COL4A6: variants seen among roughly 807,000 people sequenced by gnomAD.
COL4A6 encodes collagen type IV alpha 6 chain, also known as collagen alpha-6(IV) chain.
Under a neutral mutation model 126.7 loss-of-function variants are expected in COL4A6, and 59 were observed. The observed-to-expected ratio is 0.47, with a 90% CI of 0.38 to 0.58. The LOEUF is 0.58. Ranked by LOEUF, COL4A6 falls within the 20% of genes least tolerant of loss-of-function variation. The pLI is 0.00. For missense variants in COL4A6, 1,285 were observed against 1,337.3 expected (o/e 0.96, Z 0.61); for synonymous variants, 547 against 496.6 (o/e 1.10, Z -1.35).
At chrX:108,203,393 T>C (rs2035446025) in intron 12 of COL4A6, among the ~76,000 whole-genome samples, 1 of 112,048 alleles carries the variant, frequency 8.9e-6, no homozygotes, top group Non-Finnish European at 1.9e-5. Flanking sequence ...AACCATCTGA[T>C]CTGTCATTCC....
chrX:108,245,508 G>A (rs181219897), intron 3 of COL4A6, among the ~76,000 whole-genome samples: 1 of 111,954 alleles, frequency 8.9e-6, no homozygotes, highest in East Asian at 2.8e-4. Flanking sequence ...GCAAAAGCTC[G>A]AGATTGCTAA....
chrX:108,402,518 C>G (rs1429659902), intron 2 of COL4A6, among the ~76,000 whole-genome samples: 1 of 110,567 alleles, frequency 9.0e-6, no homozygotes, highest in Admixed American at 9.7e-5. Context: ...TTTTCTTCAA[C>G]TTTTTAGGAT....
chrX:108,416,345 A>AGG, intron 2 of COL4A6, among the ~76,000 whole-genome samples: 1 of 112,241 alleles, frequency 8.9e-6, no homozygotes, highest in East Asian at 2.8e-4. Context: ...GTAGAAAATA[A>AGG]ACAATTTGTT....
intron 3 of COL4A6, among the ~76,000 whole-genome samples, chrX:108,261,277 C>T (rs1244584076): frequency 8.9e-6 from 1 of 111,863 alleles, no homozygotes; most frequent in African/African-American, 3.2e-5. Context: ...GTATTGCACA[C>T]CATAAATGTA....
intron 3 of COL4A6, among the ~76,000 whole-genome samples, chrX:108,285,958 T>C (rs1342829274): frequency 3.6e-5 from 4 of 111,818 alleles, no homozygotes; most frequent in Non-Finnish European, 7.5e-5. Context: ...GGAAGAAGGA[T>C]CTGGTGTTCT....
At chrX:108,218,889 G>T (rs1471530646) in intron 5 of COL4A6, among the ~76,000 whole-genome samples, 3 of 111,665 alleles carry the variant, frequency 2.7e-5, no homozygotes, top group Non-Finnish European at 5.6e-5. Flanking sequence ...TATTAAACAA[G>T]ATTGAAAACT....
intron 2 of COL4A6, among the ~76,000 whole-genome samples, chrX:108,340,475 C>G (rs371440618): frequency 9.0e-6 from 1 of 110,686 alleles, no homozygotes; most frequent in Non-Finnish European, 1.9e-5. Context: ...AAATGTTTTC[C>G]AAAATGGTTG....
chrX:108,343,686 G>A (rs2039637762), intron 2 of COL4A6, among the ~76,000 whole-genome samples: 1 of 109,618 alleles, frequency 9.1e-6, no homozygotes, highest in Admixed American at 9.8e-5. Flanking sequence ...TAAATGTTCA[G>A]AGTAACTGAA....
chrX:108,343,163 ATAGTGT>A (rs1198961840), intron 2 of COL4A6, among the ~76,000 whole-genome samples: 666 of 32,299 alleles, frequency 0.021, 6 homozygotes, highest in Non-Finnish European at 0.037. Flanking sequence ...ATATATATAT[ATAGTGT>A]GTGTGTGTGT....
intron 2 of COL4A6, among the ~76,000 whole-genome samples, chrX:108,394,803 ATGTAAT>A (rs910737370): frequency 5.3e-5 from 6 of 112,217 alleles, no homozygotes; most frequent in Non-Finnish European, 1.1e-4. Flanking sequence ...AATTTACACC[ATGTAAT>A]TCCATTTTTA....
At chrX:108,376,203 T>C (rs1317469717) in intron 2 of COL4A6, among the ~76,000 whole-genome samples, 1 of 111,809 alleles carries the variant, frequency 8.9e-6, no homozygotes, top group Non-Finnish European at 1.9e-5. Context: ...TTTATTGTTC[T>C]ACTCAAGAGT....
intron 3 of COL4A6, among the ~76,000 whole-genome samples, chrX:108,280,628 T>A (rs2037783622): frequency 8.9e-6 from 1 of 111,889 alleles, no homozygotes; most frequent in African/African-American, 3.3e-5. Flanking sequence ...GACGGAATCC[T>A]CCCTAACTCA....
chrX:108,412,112 G>T (rs1162507712), intron 2 of COL4A6, among the ~76,000 whole-genome samples: 1 of 111,621 alleles, frequency 9.0e-6, no homozygotes, highest in African/African-American at 3.3e-5. Context: ...CATTGTGTTT[G>T]TTTTAATAGA....
At chrX:108,209,746 T>G (rs1458679485) in intron 8 of COL4A6, among the ~76,000 whole-genome samples, 1 of 112,472 alleles carries the variant, frequency 8.9e-6, no homozygotes, top group African/African-American at 3.2e-5. Flanking sequence ...GTCTCTGGCC[T>G]AAAGTCTGAA....
intron 13 of COL4A6, among the ~76,000 whole-genome samples, chrX:108,197,689 G>A (rs937399416): frequency 1.8e-5 from 2 of 109,833 alleles, no homozygotes; most frequent in Non-Finnish European, 3.8e-5. Context: ...TGGGCCCAGG[G>A]TTTTTCATTT....
intron 2 of COL4A6, among the ~76,000 whole-genome samples, chrX:108,425,225 CAG>C (rs1457808824): frequency 9.9e-6 from 1 of 100,727 alleles, no homozygotes; most frequent in Non-Finnish European, 2.0e-5. Flanking sequence ...GACAGAGAGA[CAG>C]AGAGACAGAG....
intron 40 of COL4A6, 122 bp from the exon 41 acceptor site, chrX:108,163,160 T>C (rs1328010689): frequency 3.5e-6 from 2 of 579,050 alleles, no homozygotes; most frequent in Admixed American, 7.6e-5. Context: ...CCCCACAGGA[T>C]ACCCGGGTAT....
chrX:108,427,203 T>C (rs1371448868), intron 2 of COL4A6, among the ~76,000 whole-genome samples: 1 of 111,893 alleles, frequency 8.9e-6, no homozygotes, highest in Non-Finnish European at 1.9e-5. Flanking sequence ...GTCTCTTTCC[T>C]ATCCTCCATC....
At chrX:108,289,590 G>A (rs1252209293) in intron 3 of COL4A6, among the ~76,000 whole-genome samples, 2 of 110,962 alleles carry the variant, frequency 1.8e-5, no homozygotes, top group East Asian at 5.6e-4. Flanking sequence ...ATTATTGTAG[G>A]TGCAAGCTTT....
Sources: gnomAD v4.1 joint callset for allele counts (sites outside exome capture counted in the v4.1 genomes callset) on GRCh38, gnomAD v4.1.1 for gene constraint, MANE v1.5 for transcripts, NCBI Gene and HGNC (gene_info 2026-07-23, HGNC 2026-07-21) for gene names.